NKAIN2: variants seen among roughly 807,000 people sequenced by gnomAD.
NKAIN2 encodes sodium/potassium transporting ATPase interacting 2.
Under a neutral mutation model 32.6 loss-of-function variants are expected in NKAIN2, and 14 were observed. The ratio of observed to expected loss-of-function variants is 0.43; its 90% CI spans 0.28 to 0.67. The LOEUF is 0.67. NKAIN2 is among the 30% of genes least tolerant of loss of function. The pLI is 0.17. For synonymous variants in NKAIN2, 80 were observed against 87.2 expected (o/e 0.92, Z 0.46); for missense variants, 198 against 258.3 (o/e 0.77, Z 1.60).
chr6:124,710,488 G>A (rs1432272381), intron 4 of NKAIN2, among the ~76,000 whole-genome samples: 1 of 151,870 alleles, frequency 6.6e-6, no homozygotes, highest in South Asian at 2.1e-4. Flanking sequence ...GGTCACTCAG[G>A]ACTTGCTTTA....
At chr6:124,031,323 C>T (rs1036145330) in intron 1 of NKAIN2, among the ~76,000 whole-genome samples, 11 of 151,890 alleles carry the variant, frequency 7.2e-5, no homozygotes, top group Admixed American at 2.0e-4. Context: ...GTCTTGCTAG[C>T]GGTCTATCCA....
chr6:124,752,769 A>G (rs1562363757), intron 4 of NKAIN2, among the ~76,000 whole-genome samples: 1 of 152,080 alleles, frequency 6.6e-6, no homozygotes, highest in Non-Finnish European at 1.5e-5. Flanking sequence ...TATGCATCCA[A>G]TGTAGGAAGA....
Position 124,406,013 on chromosome 6 carries a change from G to GGTGTGTGTGTGTGTGT in NKAIN2, c.273+50673_273+50688dup, listed in dbSNP as rs59361002. On this transcript the variant is annotated intron_variant, in intron 3 of 6. Coordinates refer to ENST00000368417, the MANE Select transcript of NKAIN2 (RefSeq NM_001040214.3). ...TACCCAATTCATTCATTACCACCAC[G>GGTGTGTGTGTGTGTGT]GTGTGTGTGTGTGTGTGTGTGTAAT... is the stretch of plus-strand genomic sequence containing the variant. Among the ~76,000 whole-genome samples, 1,164 of 148,532 alleles carry GGTGTGTGTGTGTGTGT rather than the reference G, an allele frequency of 7.8e-3. 6 individuals carry two copies. The highest frequency in any genetic ancestry group is 0.019 in the African/African-American group (768 of 40,314).
At chr6:124,167,776 T>C (rs1287364259) in intron 1 of NKAIN2, among the ~76,000 whole-genome samples, 1 of 152,218 alleles carries the variant, frequency 6.6e-6, no homozygotes, top group African/African-American at 2.4e-5. Context: ...ATTGAGATAA[T>C]CATGTGGTTT....
chr6:124,251,226 A>T (rs1487763652), intron 1 of NKAIN2, among the ~76,000 whole-genome samples: 1 of 152,078 alleles, frequency 6.6e-6, no homozygotes, highest in Non-Finnish European at 1.5e-5. Context: ...TTTTTGGATT[A>T]GATTTTTTAA....
intron 3 of NKAIN2, among the ~76,000 whole-genome samples, chr6:124,541,290 T>C (rs982112882): frequency 6.6e-6 from 1 of 152,198 alleles, no homozygotes; most frequent in Non-Finnish European, 1.5e-5. Flanking sequence ...GTTAAAATAT[T>C]GAGTGTTTTG....
intron 1 of NKAIN2, among the ~76,000 whole-genome samples, chr6:124,046,913 A>G (rs1485401056): frequency 6.6e-6 from 1 of 151,996 alleles, no homozygotes; most frequent in East Asian, 1.9e-4. Context: ...GTATATTGGA[A>G]TGAGAAAATG....
chr6:124,364,746 G>A (rs1175046038), intron 3 of NKAIN2, among the ~76,000 whole-genome samples: 2 of 151,804 alleles, frequency 1.3e-5, no homozygotes, highest in African/African-American at 4.8e-5. Context: ...AGTTCTTTAG[G>A]CAGAGTGAGA....
rs1343275737 is a variant in NKAIN2 at position 124,349,162 on chromosome 6, G to A, written c.193-6105G>A. On this transcript the variant is annotated intron_variant, in intron 2 of 6. Coordinates refer to ENST00000368417, the MANE Select transcript of NKAIN2 (RefSeq NM_001040214.3). ...GACATATTGTAGGGTGAGTAGGGCA[G>A]GGTTTATTGGGTGCAAAGGAAAAAA... 4.6e-5 allele frequency among the ~76,000 whole-genome samples: 7 copies of A among 152,110 alleles called. No homozygotes were observed. The South Asian group carries it at 1.0e-3, about 23-fold the overall frequency.
At chr6:124,535,210 A>G (rs529633938) in intron 3 of NKAIN2, among the ~76,000 whole-genome samples, 1 of 152,328 alleles carries the variant, frequency 6.6e-6, no homozygotes, top group East Asian at 1.9e-4. Flanking sequence ...TATCTTTCCA[A>G]TTAGATTTTA....
chr6:124,221,599 A>G (rs530418606), intron 1 of NKAIN2, among the ~76,000 whole-genome samples: 64 of 152,286 alleles, frequency 4.2e-4, no homozygotes, highest in African/African-American at 1.5e-3. Context: ...TAATTAAGGT[A>G]GAATGTTACC....
chr6:124,644,693 A>G (rs1304538814), intron 3 of NKAIN2, among the ~76,000 whole-genome samples: 1 of 152,190 alleles, frequency 6.6e-6, no homozygotes, highest in Non-Finnish European at 1.5e-5. Flanking sequence ...GGCATGAGCC[A>G]CCATGCCCAG....
intron 5 of NKAIN2, among the ~76,000 whole-genome samples, chr6:124,800,661 T>C (rs913053643): frequency 6.6e-6 from 1 of 152,178 alleles, no homozygotes; most frequent in Non-Finnish European, 1.5e-5. Context: ...GGAAAGGAAA[T>C]TAGGACGTTA....
At chr6:124,008,556 T>C (rs188916437) in intron 1 of NKAIN2, among the ~76,000 whole-genome samples, 8 of 152,210 alleles carry the variant, frequency 5.3e-5, no homozygotes, top group East Asian at 1.9e-4. Flanking sequence ...ACTAATGCCA[T>C]TGTGAGGCCT....
chr6:124,308,984 C>T (rs903963726), intron 2 of NKAIN2, among the ~76,000 whole-genome samples: 72 of 152,034 alleles, frequency 4.7e-4, no homozygotes, highest in Non-Finnish European at 8.2e-4. Flanking sequence ...TAATACCTAT[C>T]GACTTGGAAA....
chr6:124,346,868 C>T (rs1205975750), intron 2 of NKAIN2, among the ~76,000 whole-genome samples: 1 of 151,640 alleles, frequency 6.6e-6, no homozygotes, highest in East Asian at 1.9e-4. Context: ...TGAATTTGAT[C>T]CTGTCATTAT....
intron 1 of NKAIN2, among the ~76,000 whole-genome samples, chr6:123,900,780 T>C (rs1157254524): frequency 2.0e-5 from 3 of 152,038 alleles, no homozygotes; most frequent in Non-Finnish European, 2.9e-5. Context: ...TTTCTTCAGC[T>C]TTTCTCTTTG....
At chr6:124,629,311 T>C (rs1362628778) in intron 3 of NKAIN2, among the ~76,000 whole-genome samples, 1 of 152,158 alleles carries the variant, frequency 6.6e-6, no homozygotes, top group Admixed American at 6.5e-5. Context: ...CACCAAAAAC[T>C]TACTTTTGCA....
chr6:124,423,175 T>C (rs1483834518), intron 3 of NKAIN2, among the ~76,000 whole-genome samples: 4 of 152,200 alleles, frequency 2.6e-5, no homozygotes, highest in Non-Finnish European at 4.4e-5. Context: ...GAATTTTCTA[T>C]TTTTTCATAT....
Sources: gnomAD v4.1 joint callset for allele counts (sites outside exome capture counted in the v4.1 genomes callset) on GRCh38, gnomAD v4.1.1 for gene constraint, MANE v1.5 for transcripts, NCBI Gene and HGNC (gene_info 2026-07-23, HGNC 2026-07-21) for gene names.